USP34: variants seen among roughly 807,000 people sequenced by gnomAD.
USP34 encodes ubiquitin carboxyl-terminal hydrolase 34.
USP34 carries 70 observed loss-of-function variants against 460.3 expected under a neutral mutation model. That is an observed-to-expected ratio of 0.15 (90% CI 0.13 to 0.19). The LOEUF (loss-of-function observed/expected upper bound fraction) is 0.19. Among genes scored for constraint, USP34 ranks in the 10% least tolerant of loss-of-function variants. The probability of loss-of-function intolerance (pLI) is 1.00; values close to 1 mark genes in which losing one functional copy is unlikely to be tolerated. For missense variants in USP34, 3,985 were observed against 4,236.2 expected, an observed-to-expected ratio of 0.94 and a Z score of 1.65; for synonymous variants, 1,647 against 1,405.3, an observed-to-expected ratio of 1.17 and a Z score of -3.85.
chr2:61,347,958 T>C lies in USP34; in HGVS notation c.2197A>G (p.Thr733Ala). Residue 733 changes from threonine to alanine, a missense_variant, in exon 15 of 80, where the codon ACT becomes GCT. Thr to Ala is a moderately conservative substitution (Grantham distance 58). Coordinates refer to ENST00000398571, the MANE Select transcript of USP34 (RefSeq NM_014709.4). ...CAATTAAATAATTCATTCCCAATAGTCTCCCCAAGGAAGTCCCCAGTTCGT... is the reference window on the plus strand; with the variant it reads ...CAATTAAATAATTCATTCCCAATAGCCTCCCCAAGGAAGTCCCCAGTTCGT... ...ITRTGDFLGE[T>A]IGNELFNCRQ... 1 of 1,614,134 alleles carries C rather than the reference T, an allele frequency of 6.2e-7. No homozygotes were observed. The highest frequency in any genetic ancestry group is 8.5e-7 in the Non-Finnish European group (1 of 1,180,004).
intron 48 of USP34, among the ~76,000 whole-genome samples, chr2:61,251,638 T>G (rs1688584808): frequency 6.6e-6 from 1 of 152,236 alleles, no homozygotes; most frequent in African/African-American, 2.4e-5. Context: ...CTGCATTTGT[T>G]AATTTATTCC....
At position 61,214,447 on chromosome 2, in the gene USP34, G is replaced by C. The variant is rs763795944; in HGVS notation, c.8295C>G (p.Ser2765=). Residue 2765 remains serine (S), a synonymous_variant, in exon 68 of 80, where the codon TCC becomes TCG. Transcript: ENST00000398571. ...YFSFMTYCLI[S]KTEKLMFSTY... ...TGGAAAACATCAGCTTCTCAGTTTT[G>C]GAAATTAAACAGTAAGTCATAAAGC... The C allele has an allele frequency of 8.1e-6, 13 of 1,614,020 alleles. No homozygotes were observed. Among genetic ancestry groups the C allele is most frequent in the Admixed American group, 1.7e-5 (1 of 59,990 alleles).
In USP34 at chr2:61,311,883, T is replaced by A. The variant is rs1314081277; in HGVS notation, c.3570A>T (p.Gln1190His). The A allele has an allele frequency of 6.2e-7, 1 of 1,613,742 alleles. No individual in the cohort carries two copies. Among genetic ancestry groups the A allele is most frequent in the Admixed American group, 1.7e-5 (1 of 59,974 alleles). The change falls in exon 26 of 80, where the codon CAA becomes CAT. Residue 1190 changes from glutamine (Q) to histidine (H), a missense_variant. Transcript: ENST00000398571. ...RRFAYHLRQW[Q>H]IEGTGISSHL... ...GACTACTAATACCAGTGCCTTCAAT[T>A]TGCCACTGTCTCAGATGATATGCAA... is the stretch of plus-strand genomic sequence containing the variant.
At chr2:61,229,410 T>G (rs1687819311) in intron 59 of USP34, 138 bp downstream of exon 59, 3 of 559,648 alleles carry the variant, frequency 5.4e-6, no homozygotes, top group Non-Finnish European at 8.6e-6. Context: ...TCATTTGAAC[T>G]TACGAGTTTG....
chr2:61,307,151 C>T (rs1370585758), intron 27 of USP34, among the ~76,000 whole-genome samples: 3 of 151,864 alleles, frequency 2.0e-5, no homozygotes, highest in African/African-American at 7.3e-5. Context: ...AAGGATGAGT[C>T]CATGTCCTTT....
intron 34 of USP34, among the ~76,000 whole-genome samples, chr2:61,286,393 C>T (rs1194900334): frequency 1.3e-5 from 2 of 152,090 alleles, no homozygotes; most frequent in Non-Finnish European, 2.9e-5. Context: ...CGGTGGCTCA[C>T]ACCTATAATC....
intron 6 of USP34, among the ~76,000 whole-genome samples, chr2:61,381,280 AC>A (rs1692966803): frequency 6.6e-6 from 1 of 152,026 alleles, no homozygotes; most frequent in African/African-American, 2.4e-5. Context: ...ACACACACAC[AC>A]ACACAAAACT....
intron 5 of USP34, among the ~76,000 whole-genome samples, chr2:61,383,989 C>G (rs1043483194): frequency 1.3e-5 from 2 of 152,160 alleles, no homozygotes; most frequent in Non-Finnish European, 2.9e-5. Flanking sequence ...ATCCCCAATA[C>G]AAGGCACTGT....
chr2:61,441,810 AAAAAAGAAAAAAG>A, intron 1 of USP34, among the ~76,000 whole-genome samples: 1 of 151,314 alleles, frequency 6.6e-6, no homozygotes, highest in South Asian at 2.1e-4. Flanking sequence ...TACAAAAAAA[AAAAAAGAAAAAAG>A]AAAAGAAAAG....
At chr2:61,238,966 TTATTATA>T (rs1250226882) in intron 53 of USP34, among the ~76,000 whole-genome samples, 2 of 150,674 alleles carry the variant, frequency 1.3e-5, no homozygotes, top group African/African-American at 4.9e-5. Context: ...ATTTTCATCA[TTATTATA>T]TATTATTATA....
intron 1 of USP34, among the ~76,000 whole-genome samples, chr2:61,439,926 A>C (rs960164023): frequency 6.6e-6 from 1 of 152,142 alleles, no homozygotes; most frequent in African/African-American, 2.4e-5. Flanking sequence ...CTGCTGGGCC[A>C]ACAGGGTACA....
At chr2:61,232,574 T>A in intron 57 of USP34, 42 bp from the exon 58 acceptor site, 1 of 1,452,560 alleles carries the variant, frequency 6.9e-7, no homozygotes, top group Non-Finnish European at 9.5e-7. Flanking sequence ...ATTCAACAAA[T>A]ATTTGTTACA....
At chr2:61,283,330 G>A (rs977791237) in intron 36 of USP34, 61 bp from the exon 37 acceptor site, 4 of 1,582,088 alleles carry the variant, frequency 2.5e-6, no homozygotes, top group Non-Finnish European at 3.4e-6. Flanking sequence ...AAAACACAAT[G>A]TTCAATATTA....
At chr2:61,400,669 G>A (rs1693690008) in intron 3 of USP34, among the ~76,000 whole-genome samples, 2 of 152,020 alleles carry the variant, frequency 1.3e-5, no homozygotes, top group South Asian at 2.1e-4. Context: ...AGGAAACAGA[G>A]CAAGACCCTG....
At chr2:61,369,193 C>G (rs942855708) in intron 10 of USP34, among the ~76,000 whole-genome samples, 2 of 152,258 alleles carry the variant, frequency 1.3e-5, no homozygotes, top group South Asian at 4.1e-4. Flanking sequence ...GTGAAACTGC[C>G]GTACCAGTAT....
chr2:61,339,689 G>GAAA lies in USP34; in HGVS notation c.2501-11_2501-9dup. ...GTTTATGAACTACAGGTCCTGAAGA[G>GAAA]AAAAAAAAAAAAAAGACACACTATA... On this transcript the variant is annotated splice_polypyrimidine_tract_variant and intron_variant, in intron 16 of 79. Coordinates refer to ENST00000398571, the MANE Select transcript of USP34 (RefSeq NM_014709.4). 13 of 1,001,432 alleles carry GAAA rather than the reference G, an allele frequency of 1.3e-5. No homozygotes were observed. The highest frequency in any genetic ancestry group is 8.7e-5 in the South Asian group (3 of 34,598). 62.0% of individuals were successfully genotyped at this position (1,001,432 alleles called of 1,614,324 possible).
intron 48 of USP34, among the ~76,000 whole-genome samples, chr2:61,249,407 C>T (rs1688511539): frequency 6.6e-6 from 1 of 152,166 alleles, no homozygotes; most frequent in African/African-American, 2.4e-5. Flanking sequence ...GGGGACTGTG[C>T]CAGATTTTAT....
At chr2:61,399,076 C>T (rs1012473003) in intron 3 of USP34, among the ~76,000 whole-genome samples, 1 of 152,090 alleles carries the variant, frequency 6.6e-6, no homozygotes, top group Non-Finnish European at 1.5e-5. Context: ...CTCCTAACGG[C>T]CGGTGCAGTG....
rs5831605 is a variant in USP34, at chr2:61,336,146, ATT to A, written c.2745-2177_2745-2176del. Among the ~76,000 whole-genome samples, 1,152 of 145,312 alleles carry A rather than the reference ATT, an allele frequency of 7.9e-3. 11 individuals are homozygous for A. Among genetic ancestry groups the A allele is most frequent in the African/African-American group, 0.027 (1,051 of 39,624 alleles). On this transcript the variant is annotated intron_variant, in intron 18 of 79. Transcript: ENST00000398571. Reference sequence around the variant, plus strand: ...GTGTGTGTGTGTGTGTGTCCGCACAATTTTTTTTTTTTTTTTGAGACAAAGTC... The same window carrying A: ...GTGTGTGTGTGTGTGTGTCCGCACAATTTTTTTTTTTTTTGAGACAAAGTC...
Sources: gnomAD v4.1 joint callset for allele counts (sites outside exome capture counted in the v4.1 genomes callset) on GRCh38, gnomAD v4.1.1 for gene constraint, MANE v1.5 for transcripts, NCBI Gene and HGNC (gene_info 2026-07-23, HGNC 2026-07-21) for gene names.